Variants in CA3 observed in about 807,000 individuals in gnomAD.
CA3 encodes the protein carbonic anhydrase 3.
A neutral mutation model predicts 35.7 loss-of-function variants in CA3; 30 were observed. That is an observed-to-expected ratio of 0.84 (90% CI 0.63 to 1.14). CA3 has a LOEUF of 1.14. CA3 is among the 50% of genes most tolerant of loss of function. The pLI is 0.00. For missense variants in CA3, 295 were observed against 328.5 expected, an observed-to-expected ratio of 0.90 and a Z score of 0.79; for synonymous variants, 131 against 130.8, an observed-to-expected ratio of 1.00 and a Z score of -0.01.
chr8:85,441,148 C>T (rs1287992588), intron 2 of CA3, among the ~76,000 whole-genome samples: 1 of 152,180 alleles, frequency 6.6e-6, no homozygotes, highest in Non-Finnish European at 1.5e-5. Flanking sequence ...ATGGCTTTCC[C>T]TGGGCCACTT....
rs113595824 is a variant in CA3 at position 85,447,928 on chromosome 8, A to G, written c.664-106A>G. Reference sequence around the variant, plus strand: ...ACAAACAAACAAACAAACAAACAAAAAAACCAACAACAAAAAAAACCCCAG... The same window carrying G: ...ACAAACAAACAAACAAACAAACAAAGAAACCAACAACAAAAAAAACCCCAG... On this transcript the variant is annotated intron_variant, in intron 6 of 6. Transcript: ENST00000285381. 6,070 of 1,095,756 alleles carry G rather than the reference A, an allele frequency of 5.5e-3. 281 individuals carry two copies. In the African/African-American group the frequency reaches 0.088, roughly 16 times the overall value. The allele number at this position is 1,095,756 out of a possible 1,614,324, so 67.9% of individuals were successfully genotyped here.
At chr8:85,445,301 C>T in intron 5 of CA3, 83 bp downstream of exon 5, 1 of 873,438 alleles carries the variant, frequency 1.1e-6, no homozygotes, top group Non-Finnish European at 1.8e-6. Flanking sequence ...TTTTTTTCAC[C>T]TAAAATCTGT....
Position 85,445,203 on chromosome 8 carries a change from C to T in CA3, c.492C>T (p.Asp164=), listed in dbSNP as rs746460613. The T allele has an allele frequency of 1.9e-6, 3 of 1,603,210 alleles. No homozygotes were observed. The highest frequency in any genetic ancestry group is 3.3e-4 in the Middle Eastern group (2 of 6,038). Reference sequence around the variant, plus strand: ...TCCAGATTTTCCTTGATGCATTGGACAAGATTAAGACAAAGGTAAACAAAA... The same window carrying T: ...TCCAGATTTTCCTTGATGCATTGGATAAGATTAAGACAAAGGTAAACAAAA... ...GEFQIFLDAL[D]KIKTKGKEAP... The change falls in exon 5 of 7, where the codon GAC becomes GAT. Residue 164 remains aspartate (D), a synonymous_variant. Coordinates refer to ENST00000285381, the MANE Select transcript of CA3 (RefSeq NM_005181.4).
chr8:85,439,105 T>G (rs79520755), intron 1 of CA3, among the ~76,000 whole-genome samples, 162 bp downstream of exon 1: 3,986 of 152,312 alleles, frequency 0.026, 184 homozygotes, highest in African/African-American at 0.09. Flanking sequence ...TGCTGCTGCT[T>G]CTTTTTTTCC....
chr8:85,442,263 A>G, intron 3 of CA3, 72 bp downstream of exon 3: 1 of 821,378 alleles, frequency 1.2e-6, no homozygotes, highest in Non-Finnish European at 2.2e-6. Flanking sequence ...TAAGAACCAC[A>G]GCAACAAAGC....
chr8:85,446,349 A>C (rs1487983537), intron 6 of CA3, 52 bp downstream of exon 6: 1 of 1,568,710 alleles, frequency 6.4e-7, no homozygotes, highest in East Asian at 2.3e-5. Flanking sequence ...CCTATGTAAG[A>C]TACAGATGCT....
At chr8:85,442,294 C>G in intron 3 of CA3, 103 bp downstream of exon 3, 1 of 756,278 alleles carries the variant, frequency 1.3e-6, no homozygotes, top group Non-Finnish European at 2.4e-6. Context: ...GCTTTTGTTT[C>G]AAGTCTATAG....
At chr8:85,445,503 A>AACAC (rs766933947) in intron 5 of CA3, among the ~76,000 whole-genome samples, 13,590 of 122,920 alleles carry the variant, frequency 0.11, 712 homozygotes, top group South Asian at 0.15. Flanking sequence ...ATCCTCGCCC[A>AACAC]ACACACACAC....
At position 85,448,790 on chromosome 8, in the gene CA3, G is replaced by A. The variant is rs533281997; in HGVS notation, c.*637G>A. 7 of 152,260 alleles carry A rather than the reference G, an allele frequency of 4.6e-5. No homozygotes were observed. The highest frequency in any genetic ancestry group is 1.4e-4 in the African/African-American group (6 of 41,562). The allele number at this position is 152,260 out of a possible 1,614,324, so 9.4% of individuals were successfully genotyped here. On this transcript the variant is annotated 3_prime_UTR_variant, in exon 7 of 7. Transcript: ENST00000285381. ...CAGGAGTTTTCAAATTTTTGATTCA[G>A]TATTTGAATTTCTTCTTCATAAATG...
At chr8:85,446,359 T>G in intron 6 of CA3, 62 bp downstream of exon 6, 1 of 1,545,358 alleles carries the variant, frequency 6.5e-7, no homozygotes, top group South Asian at 1.2e-5. Flanking sequence ...ATACAGATGC[T>G]AAATCAAAAA....
chr8:85,446,738 G>A (rs1811298629), intron 6 of CA3, among the ~76,000 whole-genome samples: 1 of 152,132 alleles, frequency 6.6e-6, no homozygotes. Context: ...ATAATTCAAG[G>A]CTCAAAAGTT....
At chr8:85,443,184 C>G (rs1471981946) in intron 3 of CA3, among the ~76,000 whole-genome samples, 2 of 152,166 alleles carry the variant, frequency 1.3e-5, no homozygotes, top group African/African-American at 4.8e-5. Context: ...ACATACTACT[C>G]TCTGTCTCAG....
In CA3 at chr8:85,442,060, A is replaced by T. The variant is rs1177567950; in HGVS notation, c.233-13A>T. On this transcript the variant is annotated splice_polypyrimidine_tract_variant and intron_variant, in intron 2 of 6. Coordinates refer to ENST00000285381, the MANE Select transcript of CA3 (RefSeq NM_005181.4). Reference sequence around the variant, plus strand: ...CATGAATTCACTGTTGACCAAGCTTATCTGAATCACAGTGCTGAGAGGGGG... The same window carrying T: ...CATGAATTCACTGTTGACCAAGCTTTTCTGAATCACAGTGCTGAGAGGGGG... The T allele has an allele frequency of 6.4e-6, 8 of 1,244,944 alleles. No individual in the cohort carries two copies. Among genetic ancestry groups the T allele is most frequent in the Middle Eastern group, 1.8e-4 (1 of 5,410 alleles). The allele number at this position is 1,244,944 out of a possible 1,614,324, so 77.1% of individuals were successfully genotyped here.
intron 5 of CA3, 37 bp downstream of exon 5, chr8:85,445,255 C>A: frequency 1.6e-6 from 2 of 1,288,644 alleles, no homozygotes; most frequent in Non-Finnish European, 2.2e-6. Flanking sequence ...AAACATAAAG[C>A]AGATTATGCA....
chr8:85,446,117 G>C (rs762163595), intron 5 of CA3, 25 bp from the exon 6 acceptor site: 64 of 1,580,578 alleles, frequency 4.0e-5, no homozygotes, highest in Admixed American at 1.2e-4. Flanking sequence ...TGCACTCACT[G>C]CACCTGCAAC....
intron 6 of CA3, among the ~76,000 whole-genome samples, chr8:85,447,475 A>G (rs779025287): frequency 6.6e-6 from 1 of 152,240 alleles, no homozygotes; most frequent in Non-Finnish European, 1.5e-5. Context: ...GGGCACAGTG[A>G]TCCTGTATAG....
Position 85,448,328 on chromosome 8 carries a change from G to A in CA3, c.*175G>A, listed in dbSNP as rs773181917. On this transcript the variant is annotated 3_prime_UTR_variant, in exon 7 of 7. Transcript: ENST00000285381. ...TACTTGTTGAAAGAAAGTTACTTTC[G>A]ACAAGATCTAATATGAAAGCATAGA... is the stretch of plus-strand genomic sequence containing the variant. 1.6e-5 allele frequency: 8 copies of A among 515,080 alleles called. No homozygotes were observed. The highest frequency in any genetic ancestry group is 8.8e-5 in the South Asian group (2 of 22,608). The allele number at this position is 515,080 out of a possible 1,614,324, so 31.9% of individuals were successfully genotyped here.
chr8:85,443,328 G>A (rs914313336), intron 3 of CA3, among the ~76,000 whole-genome samples: 2 of 152,168 alleles, frequency 1.3e-5, no homozygotes, highest in African/African-American at 4.8e-5. Flanking sequence ...TGGAGGTGAG[G>A]ACCAATTCAT....
Position 85,448,104 on chromosome 8 carries a change from G to A in CA3, c.734G>A (p.Arg245Gln), listed in dbSNP as rs368900390. ...CCAGTGCCTCTTGTGAGCAACTGGC[G>A]ACCTCCACAGCCTATCAATAACAGG... ...EPPVPLVSNW[R>Q]PPQPINNRVV... The change falls in exon 7 of 7, where the codon CGA becomes CAA. Residue 245 changes from arginine (R) to glutamine (Q), a missense_variant. Arg to Gln is a conservative substitution (Grantham distance 43). Transcript: ENST00000285381. 3.1e-6 allele frequency: 5 copies of A among 1,613,606 alleles called. No homozygotes were observed. The highest frequency in any genetic ancestry group is 1.3e-5 in the African/African-American group (1 of 75,020).
Sources: gnomAD v4.1 joint callset for allele counts (sites outside exome capture counted in the v4.1 genomes callset) on GRCh38, gnomAD v4.1.1 for gene constraint, MANE v1.5 for transcripts, NCBI Gene and HGNC (gene_info 2026-07-23, HGNC 2026-07-21) for gene names.